Variants in FOXN2 observed in about 807,000 individuals in gnomAD.
FOXN2 encodes the protein forkhead box N2.
Under a neutral mutation model 41.2 loss-of-function variants are expected in FOXN2, and 19 were observed. The observed-to-expected ratio is 0.46, with a 90% confidence interval of 0.32 to 0.68. The LOEUF is 0.68. FOXN2 is among the 30% of genes least tolerant of loss of function. FOXN2 has a pLI of 0.03. For missense variants in FOXN2, 587 were observed against 509.4 expected (o/e 1.15, Z -1.47); for synonymous variants, 195 against 176.8 (o/e 1.10, Z -0.82).
intron 2 of FOXN2, among the ~76,000 whole-genome samples, chr2:48,333,610 G>A (rs1006356520): frequency 2.0e-5 from 3 of 152,108 alleles, no homozygotes; most frequent in Non-Finnish European, 4.4e-5. Context: ...ATTTTATTCA[G>A]ATCTGTGATA....
intron 3 of FOXN2, among the ~76,000 whole-genome samples, chr2:48,356,170 G>A (rs1671779932): frequency 6.6e-6 from 1 of 152,116 alleles, no homozygotes; most frequent in South Asian, 2.1e-4. Flanking sequence ...GGCCAGGCGT[G>A]GTGGCTCACG....
chr2:48,346,190 C>A lies in FOXN2; in HGVS notation c.-14-11C>A, dbSNP rs1040306836. The A allele has an allele frequency of 3.1e-5, 48 of 1,550,914 alleles. No homozygotes were observed. Among genetic ancestry groups the A allele is most frequent in the East Asian group, 6.8e-5 (3 of 44,160 alleles). On this transcript the variant is annotated splice_polypyrimidine_tract_variant and intron_variant, in intron 2 of 6. Transcript: ENST00000340553. Reference sequence around the variant, plus strand: ...AAAGTATTACATTGATAATTGTTTCCTTTGTTGCAGAACTGTAAGAGTAAA... The same window carrying A: ...AAAGTATTACATTGATAATTGTTTCATTTGTTGCAGAACTGTAAGAGTAAA...
intron 1 of FOXN2, among the ~76,000 whole-genome samples, chr2:48,325,079 G>A (rs557694263): frequency 5.9e-4 from 90 of 152,342 alleles, no homozygotes; most frequent in Non-Finnish European, 6.9e-4. Context: ...TGAGGATGTA[G>A]ATACTGAATC....
chr2:48,359,273 TA>T (rs1190884410), intron 4 of FOXN2, 126 bp downstream of exon 4: 1 of 475,460 alleles, frequency 2.1e-6, no homozygotes, highest in East Asian at 9.7e-5. Context: ...ATGTTTTATT[TA>T]GTTTTTAGTT....
chr2:48,316,252 G>T (rs1217579732), intron 1 of FOXN2, among the ~76,000 whole-genome samples: 1 of 152,076 alleles, frequency 6.6e-6, no homozygotes, highest in South Asian at 2.1e-4. Flanking sequence ...GTTCTCTGCT[G>T]TTTTGTTGAT....
rs554824943 is a variant in FOXN2, at chr2:48,335,081, G to A, written c.-15+6379G>A. On this transcript the variant is annotated intron_variant, in intron 2 of 6. Transcript: ENST00000340553. ...TGGTAAAGTTCTAATGAAAATAAGT[G>A]GCTTATAATAAAAATTACAGGCCAT... Among the ~76,000 whole-genome samples, 6 of 152,086 alleles carry A rather than the reference G, an allele frequency of 3.9e-5. No homozygotes were observed. The East Asian group carries it at 1.2e-3, about 29-fold the overall frequency.
Position 48,325,605 on chromosome 2 carries a change from A to G in FOXN2, c.-156-2956A>G, listed in dbSNP as rs1669608807. ...TAAAGTCTAACATCTCATTTTACAGATGGAAAAATTATGTACTAGCAGAAC... is the reference window on the plus strand; with the variant it reads ...TAAAGTCTAACATCTCATTTTACAGGTGGAAAAATTATGTACTAGCAGAAC... On this transcript the variant is annotated intron_variant, in intron 1 of 6. Transcript: ENST00000340553. Among the ~76,000 whole-genome samples the G allele has an allele frequency of 2.6e-5, 4 of 152,334 alleles. No individual in the cohort carries two copies. In the South Asian group the frequency reaches 6.2e-4, roughly 24 times the overall value.
chr2:48,328,274 G>C (rs1558613666), intron 1 of FOXN2, among the ~76,000 whole-genome samples: 1 of 152,138 alleles, frequency 6.6e-6, no homozygotes, highest in African/African-American at 2.4e-5. Context: ...GTCATCCCTT[G>C]ATATCATGGG....
chr2:48,372,958 A>G (rs1440606747), intron 5 of FOXN2, among the ~76,000 whole-genome samples: 2 of 150,378 alleles, frequency 1.3e-5, no homozygotes, highest in African/African-American at 4.9e-5. Flanking sequence ...GTACATTCTT[A>G]GCTAATTTAA....
chr2:48,356,469 T>A (rs1344378343), intron 3 of FOXN2, among the ~76,000 whole-genome samples: 1 of 152,168 alleles, frequency 6.6e-6, no homozygotes, highest in Non-Finnish European at 1.5e-5. Flanking sequence ...CCAAGTCTTG[T>A]ATGTACTTTT....
chr2:48,319,587 A>G (rs925801133), intron 1 of FOXN2, among the ~76,000 whole-genome samples: 2 of 150,678 alleles, frequency 1.3e-5, no homozygotes, highest in Admixed American at 6.6e-5. Flanking sequence ...TGTATAGCCC[A>G]CTGAACAGAA....
chr2:48,360,259 C>T (rs1381476878), intron 4 of FOXN2, among the ~76,000 whole-genome samples: 1 of 151,962 alleles, frequency 6.6e-6, no homozygotes, highest in African/African-American at 2.4e-5. Flanking sequence ...AATTGAAAAT[C>T]CCAGATTTGG....
intron 1 of FOXN2, among the ~76,000 whole-genome samples, chr2:48,321,535 CA>C (rs200906586): frequency 6.8e-6 from 1 of 148,138 alleles, no homozygotes; most frequent in South Asian, 2.1e-4. Context: ...CACTCCATCT[CA>C]AAAAAAAAAT....
rs764938586 is a variant in FOXN2 at position 48,346,254 on chromosome 2, G to A, written c.40G>A (p.Glu14Lys). Residue 14 changes from glutamate (E) to lysine (K), a missense_variant, in exon 3 of 7, where the codon GAA becomes AAA. Glu to Lys is a moderately conservative substitution (Grantham distance 56, BLOSUM62 1). Transcript: ENST00000340553. ...TGGAATGACTCCAGATAAGAGAGCT[G>A]AAACCCCAGGAGCTGAAAAGATTGC... is the stretch of plus-strand genomic sequence containing the variant. ...VIGMTPDKRAETPGAEKIAGL... is the reference protein window; with the variant it reads ...VIGMTPDKRAKTPGAEKIAGL... The A allele has an allele frequency of 6.2e-7, 1 of 1,613,530 alleles. No homozygotes were observed. Among genetic ancestry groups the A allele is most frequent in the Non-Finnish European group, 8.5e-7 (1 of 1,179,842 alleles).
rs1206486145 is a variant in FOXN2 at position 48,338,441 on chromosome 2, G to A, written c.-14-7760G>A. 4.7e-5 allele frequency among the ~76,000 whole-genome samples: 7 copies of A among 150,356 alleles called. No individual in the cohort carries two copies. In the South Asian group the frequency reaches 6.3e-4, roughly 14 times the overall value. On this transcript the variant is annotated intron_variant, in intron 2 of 6. Transcript: ENST00000340553. ...CGGAATCTCGGAATCTTGCTCTGTC[G>A]CCCAGGCTGGAGTGCAGTGGCGCGA...
chr2:48,321,627 ATTAT>A (rs1217228204), intron 1 of FOXN2, among the ~76,000 whole-genome samples: 1 of 152,146 alleles, frequency 6.6e-6, no homozygotes, highest in Non-Finnish European at 1.5e-5. Context: ...GGGTAAAAGT[ATTAT>A]TTAGTACATT....
intron 2 of FOXN2, among the ~76,000 whole-genome samples, chr2:48,336,265 G>C (rs977247412): frequency 7.3e-5 from 11 of 151,384 alleles, no homozygotes; most frequent in African/African-American, 1.2e-4. Context: ...TAAAAAAGCC[G>C]GGTGTGGTGG....
chr2:48,332,387 T>C (rs1023615331), intron 2 of FOXN2, among the ~76,000 whole-genome samples: 8 of 152,236 alleles, frequency 5.3e-5, no homozygotes, highest in African/African-American at 1.9e-4. Context: ...AGAAGGGTTC[T>C]ATCATGTTGC....
chr2:48,360,279 T>G (rs1469199754), intron 4 of FOXN2, among the ~76,000 whole-genome samples: 1 of 152,174 alleles, frequency 6.6e-6, no homozygotes, highest in African/African-American at 2.4e-5. Flanking sequence ...GTTAAAATAC[T>G]TTAAGGGTAG....
Sources: allele counts gnomAD v4.1 joint callset (sites outside exome capture counted in the v4.1 genomes callset), GRCh38; gene constraint gnomAD v4.1.1; transcripts MANE v1.5; gene names NCBI Gene and HGNC (gene_info 2026-07-23, HGNC 2026-07-21).